CREBBP: variants seen among roughly 807,000 people sequenced by gnomAD.
CREBBP encodes the protein CREB-binding protein.
In CREBBP, 19 loss-of-function variants were observed where a neutral mutation model predicts 265.0. That is an observed-to-expected ratio of 0.07 (90% confidence interval 0.05 to 0.11). The LOEUF is 0.11. Among genes scored for constraint, CREBBP ranks in the 10% least tolerant of loss-of-function variants. The pLI, the probability that CREBBP is intolerant of heterozygous loss-of-function variation, is 1.00. For synonymous variants in CREBBP, 1,457 were observed against 1,223.7 expected (o/e 1.19, Z -3.98); for missense variants, 2,525 against 3,219.0 (o/e 0.78, Z 5.22).
chr16:3,732,730 C>T (rs1433728001), intron 28 of CREBBP, among the ~76,000 whole-genome samples: 1 of 151,714 alleles, frequency 6.6e-6, no homozygotes, highest in Non-Finnish European at 1.5e-5. Context: ...GACAGAGTCT[C>T]GCTCTTGTCA....
At chr16:3,849,421 GTGTGTGTGTGTGTGTGTGTGTGTGT>G (rs2054745023) in intron 2 of CREBBP, among the ~76,000 whole-genome samples, 39 of 8,588 alleles carry the variant, frequency 4.5e-3, no homozygotes, top group East Asian at 0.026. Flanking sequence ...GTGTGTGTGT[GTGTGTGTGTGTGTGTGTGTGTGTGT>G]GTGTGTGTGT....
intron 1 of CREBBP, among the ~76,000 whole-genome samples, chr16:3,863,846 G>A (rs1283964633): frequency 6.6e-6 from 1 of 152,170 alleles, no homozygotes; most frequent in Admixed American, 6.5e-5. Context: ...TGTCATAGCA[G>A]CCAGCTGCCA....
At chr16:3,755,971 A>AT (rs906995612) in intron 19 of CREBBP, among the ~76,000 whole-genome samples, 27 of 152,108 alleles carry the variant, frequency 1.8e-4, no homozygotes, top group African/African-American at 6.3e-4. Flanking sequence ...TGTCAAAAGG[A>AT]TTTTTTTTAA....
intron 2 of CREBBP, among the ~76,000 whole-genome samples, chr16:3,834,557 G>A (rs137892433): frequency 3.3e-5 from 5 of 152,228 alleles, no homozygotes; most frequent in East Asian, 1.9e-4. Flanking sequence ...AAACACAGAC[G>A]GCTTTTAGGG....
intron 9 of CREBBP, 106 bp downstream of exon 9, chr16:3,778,594 G>C: frequency 1.0e-6 from 1 of 998,678 alleles, no homozygotes; most frequent in South Asian, 1.3e-5. Flanking sequence ...GGAGGAGTCT[G>C]TCCCAACTAC....
At chr16:3,794,531 C>CT (rs988573336) in intron 3 of CREBBP, among the ~76,000 whole-genome samples, 2 of 152,120 alleles carry the variant, frequency 1.3e-5, no homozygotes, top group African/African-American at 4.8e-5. Context: ...GACAGTTAGC[C>CT]TTAATACAAC....
chr16:3,803,263 G>T (rs1194846249), intron 3 of CREBBP, among the ~76,000 whole-genome samples: 3 of 24,220 alleles, frequency 1.2e-4, no homozygotes, highest in African/African-American at 3.0e-4. Flanking sequence ...CTGACGGCGG[G>T]GAGGGGGGGG....
chr16:3,879,887 G>C lies in CREBBP; in HGVS notation c.30C>G (p.Pro10=), dbSNP rs1379816861. The change falls in exon 1 of 31, where the codon CCC becomes CCG. Residue 10 remains proline (P), a synonymous_variant. Coordinates refer to ENST00000262367, the MANE Select transcript of CREBBP (RefSeq NM_004380.3). ...AGCTGAGTTTGGCTCTTTTGGGGTT[G>C]GGCGGTCCGTCCAGCAAGTTCTCAG... is the stretch of plus-strand genomic sequence containing the variant. MAENLLDGP[P]NPKRAKLSSP... is the part of the protein sequence containing the mutation. The C allele has an allele frequency of 1.2e-6, 2 of 1,612,764 alleles. No homozygotes were observed. The highest frequency in any genetic ancestry group is 8.5e-7 in the Non-Finnish European group (1 of 1,179,396).
chr16:3,751,728 C>T lies in CREBBP; in HGVS notation c.3777G>A (p.Gln1259=), dbSNP rs368919135. The change falls in exon 20 of 31, where the codon CAG becomes CAA. Residue 1259 remains glutamine, a splice_region_variant and synonymous_variant. Coordinates refer to ENST00000262367, the MANE Select transcript of CREBBP (RefSeq NM_004380.3). The part of the protein sequence containing the change: ...VTLGDDPSQP[Q]TTISKDQFEK... Reference sequence around the variant, plus strand: ...GAAAATGACAGGACGGTACTTACGTCTGGGGCTGTGAAGGGTCGTCACCCA... The same window carrying T: ...GAAAATGACAGGACGGTACTTACGTTTGGGGCTGTGAAGGGTCGTCACCCA... The T allele has an allele frequency of 2.5e-6, 4 of 1,613,996 alleles. No individual in the cohort carries two copies. Among genetic ancestry groups the T allele is most frequent in the African/African-American group, 1.3e-5 (1 of 74,908 alleles).
chr16:3,746,254 C>A (rs1021283090), intron 21 of CREBBP, among the ~76,000 whole-genome samples: 1 of 152,086 alleles, frequency 6.6e-6, no homozygotes, highest in Non-Finnish European at 1.5e-5. Flanking sequence ...CTGTCCATTG[C>A]ACGTGCTATG....
At chr16:3,743,984 G>A (rs2052279306) in intron 23 of CREBBP, among the ~76,000 whole-genome samples, 1 of 152,104 alleles carries the variant, frequency 6.6e-6, no homozygotes, top group Non-Finnish European at 1.5e-5. Flanking sequence ...GCTGAGGCAG[G>A]AGAATCGCTT....
At chr16:3,837,224 T>G (rs2054470904) in intron 2 of CREBBP, among the ~76,000 whole-genome samples, 1 of 152,188 alleles carries the variant, frequency 6.6e-6, no homozygotes, top group South Asian at 2.1e-4. Context: ...AACAGTGATA[T>G]TCATGATCCT....
chr16:3,786,858 A>C (rs2053399610), intron 5 of CREBBP, among the ~76,000 whole-genome samples: 1 of 152,088 alleles, frequency 6.6e-6, no homozygotes, highest in African/African-American at 2.4e-5. Context: ...AGATCACCTG[A>C]GGTCAGGAGT....
intron 2 of CREBBP, chr16:3,812,907 A>G (rs1310512488): frequency 4.9e-6 from 1 of 202,068 alleles, no homozygotes; most frequent in East Asian, 7.6e-5. Context: ...CAGTTAAGAA[A>G]TCATAGCTCA....
chr16:3,728,301 C>T lies in CREBBP; in HGVS notation c.6746G>A (p.Arg2249His), dbSNP rs794727551. ...CTGGAGGGGGAGATGCTGCTGCATG[C>T]GCTGCTGCTGCTGCATGGCCGGTGG... ...GYPPAMQQQQ[R>H]MQQHLPLQGS... The change falls in exon 31 of 31, where the codon CGC becomes CAC. Residue 2249 changes from arginine (R) to histidine (H), a missense_variant. Arg to His is a conservative substitution (Grantham distance 29). Transcript: ENST00000262367. This position sits in a 1 kb window ranked among gnomAD's most constrained non-coding sequence, Gnocchi z 8.7. 23 of 1,611,630 alleles carry T rather than the reference C, an allele frequency of 1.4e-5. No individual in the cohort carries two copies. The highest frequency in any genetic ancestry group is 1.7e-4 in the Middle Eastern group (1 of 5,918).
At chr16:3,795,326 ACAATTAAAATCC>A (rs1349611933) in intron 3 of CREBBP, among the ~76,000 whole-genome samples, 2 of 152,232 alleles carry the variant, frequency 1.3e-5, no homozygotes, top group South Asian at 2.1e-4. Flanking sequence ...ATAATTAACA[ACAATTAAAATCC>A]CATTATCCAG....
intron 16 of CREBBP, among the ~76,000 whole-genome samples, chr16:3,762,996 G>A (rs1223697113): frequency 6.6e-6 from 1 of 151,132 alleles, no homozygotes; most frequent in Non-Finnish European, 1.5e-5. Context: ...GGATGGTCTC[G>A]ATCTCCCGAC....
At chr16:3,811,374 G>T (rs1472510650) in intron 2 of CREBBP, among the ~76,000 whole-genome samples, 1 of 152,144 alleles carries the variant, frequency 6.6e-6, no homozygotes, top group African/African-American at 2.4e-5. Flanking sequence ...CCAACCAAGA[G>T]ATCAAGACCA....
At chr16:3,774,985 G>A (rs2053102408) in intron 11 of CREBBP, among the ~76,000 whole-genome samples, 1 of 152,166 alleles carries the variant, frequency 6.6e-6, no homozygotes, top group Non-Finnish European at 1.5e-5. Flanking sequence ...GACATTAAAC[G>A]AGGCTGTGGT....
Sources: allele counts gnomAD v4.1 joint callset (sites outside exome capture counted in the v4.1 genomes callset), GRCh38; gene constraint gnomAD v4.1.1; non-coding constraint Gnocchi (gnomAD v3.1); transcripts MANE v1.5; gene names NCBI Gene and HGNC (gene_info 2026-07-23, HGNC 2026-07-21).